The following DTNB variants were observed in gnomAD, a reference collection of about 807,000 sequenced individuals.
DTNB encodes DTN-B.
A neutral mutation model predicts 90.7 loss-of-function variants in DTNB; 63 were observed. The observed-to-expected ratio is 0.69, with a 90% CI of 0.57 to 0.86. The LOEUF (loss-of-function observed/expected upper bound fraction) is 0.86. Among genes scored for constraint, DTNB ranks in the 40% least tolerant of loss-of-function variants. The pLI, the probability that DTNB is intolerant of heterozygous loss-of-function variation, is 0.00. For missense variants in DTNB, 744 were observed against 807.1 expected, an observed-to-expected ratio of 0.92 and a Z score of 0.95; for synonymous variants, 277 against 286.7, an observed-to-expected ratio of 0.97 and a Z score of 0.34.
At chr2:25,463,736 C>T (rs1339952306) in intron 10 of DTNB, among the ~76,000 whole-genome samples, 1 of 152,168 alleles carries the variant, frequency 6.6e-6, no homozygotes, top group Admixed American at 6.5e-5. Flanking sequence ...AGGTGTCTCA[C>T]CCCTGGAGAG....
At chr2:25,646,107 T>C (rs2079376317) in intron 2 of DTNB, among the ~76,000 whole-genome samples, 1 of 152,166 alleles carries the variant, frequency 6.6e-6, no homozygotes, top group Non-Finnish European at 1.5e-5. Context: ...TTTCAGGCCA[T>C]GATAGGAAGT....
intron 9 of DTNB, among the ~76,000 whole-genome samples, chr2:25,484,514 G>A (rs1169381892): frequency 6.6e-6 from 1 of 152,184 alleles, no homozygotes; most frequent in African/African-American, 2.4e-5. Flanking sequence ...GAACCCAGAT[G>A]TTAAAGAAGG....
rs1406347846 is a variant in DTNB at position 25,531,502 on chromosome 2, T to C, written c.972A>G (p.Pro324=). The change falls in exon 9 of 21, where the codon CCA becomes CCG. Residue 324 remains proline (P), a synonymous_variant. Coordinates refer to ENST00000406818, the MANE Select transcript of DTNB (RefSeq NM_021907.5). ...TATGTGCAAGGTCAAGTGGTTTCTC[T>C]GGTTGCTCAGGAAAAACAGGATGCG... ...EPPHPVFPEQ[P]EKPLDLAHIV... 1 of 1,613,998 alleles carries C rather than the reference T, an allele frequency of 6.2e-7. No individual in the cohort carries two copies. Among genetic ancestry groups the C allele is most frequent in the Non-Finnish European group, 8.5e-7 (1 of 1,179,882 alleles).
intron 8 of DTNB, among the ~76,000 whole-genome samples, chr2:25,557,824 G>A (rs989828953): frequency 4.6e-5 from 7 of 152,192 alleles, no homozygotes; most frequent in African/African-American, 1.7e-4. Flanking sequence ...TACAGATGAT[G>A]TAATTATCTA....
At chr2:25,650,864 A>C (rs980816808) in intron 2 of DTNB, among the ~76,000 whole-genome samples, 1 of 152,116 alleles carries the variant, frequency 6.6e-6, no homozygotes, top group Non-Finnish European at 1.5e-5. Context: ...ACGAGGCTGA[A>C]GCATGAGAAT....
intron 1 of DTNB, among the ~76,000 whole-genome samples, chr2:25,669,084 G>C (rs943984056): frequency 6.6e-6 from 1 of 152,146 alleles, no homozygotes; most frequent in African/African-American, 2.4e-5. Context: ...AATTCATAGA[G>C]ACAGAAAGTA....
chr2:25,643,008 C>A (rs140691682), intron 2 of DTNB, among the ~76,000 whole-genome samples: 270 of 152,272 alleles, frequency 1.8e-3, no homozygotes, highest in African/African-American at 6.0e-3. Flanking sequence ...CCCACCTCAG[C>A]CTCGCAAAGT....
chr2:25,531,650 A>G (rs2150918738), intron 8 of DTNB, 53 bp from the exon 9 acceptor site: 19 of 1,558,984 alleles, frequency 1.2e-5, no homozygotes, highest in Middle Eastern at 1.7e-4. Context: ...GAATGAAAGG[A>G]ACTTCAAAAA....
At chr2:25,470,602 C>T (rs886632337) in intron 10 of DTNB, among the ~76,000 whole-genome samples, 17 of 152,012 alleles carry the variant, frequency 1.1e-4, no homozygotes, top group Non-Finnish European at 2.4e-4. Flanking sequence ...GTCTTGAACT[C>T]CTGACCTCAG....
chr2:25,638,059 G>A (rs2077470363), intron 3 of DTNB, among the ~76,000 whole-genome samples: 1 of 152,198 alleles, frequency 6.6e-6, no homozygotes, highest in Non-Finnish European at 1.5e-5. Context: ...GTCCTTTGTA[G>A]GGACATGGAT....
At chr2:25,522,712 T>G (rs1424512134) in intron 9 of DTNB, among the ~76,000 whole-genome samples, 1 of 151,546 alleles carries the variant, frequency 6.6e-6, no homozygotes, top group African/African-American at 2.4e-5. Context: ...TTTTTTTTTT[T>G]TTTTTTGAGA....
At chr2:25,397,240 A>G (rs562403757) in intron 16 of DTNB, among the ~76,000 whole-genome samples, 2 of 151,676 alleles carry the variant, frequency 1.3e-5, no homozygotes, top group African/African-American at 4.8e-5. Flanking sequence ...CAGGAGGCCA[A>G]GGGAGAAGAA....
intron 9 of DTNB, among the ~76,000 whole-genome samples, chr2:25,522,636 A>C (rs147636838): frequency 8.5e-4 from 129 of 152,286 alleles, no homozygotes; most frequent in African/African-American, 3.0e-3. Flanking sequence ...CATTATCTTA[A>C]AAAAATCCTG....
intron 8 of DTNB, among the ~76,000 whole-genome samples, chr2:25,545,541 G>A (rs1008881020): frequency 6.6e-6 from 1 of 152,190 alleles, no homozygotes; most frequent in African/African-American, 2.4e-5. Flanking sequence ...AAGGGATGAT[G>A]AAGACTTGCT....
chr2:25,388,892 G>A (rs1020142340), intron 16 of DTNB, among the ~76,000 whole-genome samples: 7 of 151,804 alleles, frequency 4.6e-5, no homozygotes, highest in Non-Finnish European at 8.8e-5. Flanking sequence ...TTGTTGCCCA[G>A]GTGGAGTGCA....
intron 3 of DTNB, among the ~76,000 whole-genome samples, chr2:25,636,582 A>C (rs574829602): frequency 3.0e-4 from 45 of 151,168 alleles, no homozygotes; most frequent in African/African-American, 1.1e-3. Flanking sequence ...CATCACATAC[A>C]CACATATACA....
chr2:25,527,246 G>A (rs2077347607), intron 9 of DTNB, among the ~76,000 whole-genome samples: 1 of 152,188 alleles, frequency 6.6e-6, no homozygotes, highest in Admixed American at 6.5e-5. Flanking sequence ...AAAGGAGTCT[G>A]GGCACGGTGG....
chr2:25,599,085 T>C (rs1415654208), intron 5 of DTNB: 1 of 151,320 alleles, frequency 6.6e-6, no homozygotes, highest in Non-Finnish European at 1.5e-5. Context: ...TTGTAAACAA[T>C]GCACAAAGGA....
chr2:25,634,391 C>T (rs1286062786), intron 3 of DTNB, among the ~76,000 whole-genome samples: 1 of 124,434 alleles, frequency 8.0e-6, no homozygotes, highest in East Asian at 2.7e-4. Flanking sequence ...GTGGGGGGGT[C>T]AGCCCCCCCG....
Sources: allele counts gnomAD v4.1 joint callset (sites outside exome capture counted in the v4.1 genomes callset), GRCh38; gene constraint gnomAD v4.1.1; transcripts MANE v1.5; gene names NCBI Gene and HGNC (gene_info 2026-07-23, HGNC 2026-07-21).